The following BCAS3 variants were observed in gnomAD, a reference collection of about 807,000 sequenced individuals.
BCAS3 encodes the protein BCAS3 microtubule associated cell migration factor.
BCAS3 carries 53 observed loss-of-function variants against 116.1 expected under a neutral mutation model. The ratio of observed to expected loss-of-function variants is 0.46; its 90% confidence interval spans 0.37 to 0.57. BCAS3 has a LOEUF of 0.57. Ranked by LOEUF, BCAS3 falls within the 20% of genes least tolerant of loss-of-function variation. The pLI is 0.00. For synonymous variants in BCAS3, 391 were observed against 408.2 expected (o/e 0.96, Z 0.51); for missense variants, 917 against 1,165.4 (o/e 0.79, Z 3.10).
At chr17:61,319,576 A>G (rs1309357646) in intron 22 of BCAS3, among the ~76,000 whole-genome samples, 2 of 150,324 alleles carry the variant, frequency 1.3e-5, no homozygotes, top group Admixed American at 1.3e-4. Context: ...TTTTTTTTTC[A>G]ATATATCACG....
At chr17:60,704,694 C>T (rs997895279) in intron 4 of BCAS3, among the ~76,000 whole-genome samples, 7 of 151,800 alleles carry the variant, frequency 4.6e-5, no homozygotes, top group African/African-American at 1.5e-4. Flanking sequence ...AAAAATTAGC[C>T]GGGCATGGTG....
intron 2 of BCAS3, 61 bp from the exon 3 acceptor site, chr17:60,683,920 GC>G (rs748661522): frequency 6.6e-6 from 9 of 1,370,120 alleles, no homozygotes; most frequent in Admixed American, 1.9e-5. Flanking sequence ...TGTAAATAGA[GC>G]TTTTTTCATG....
At chr17:60,732,075 A>G (rs1277877852) in intron 5 of BCAS3, among the ~76,000 whole-genome samples, 1 of 151,948 alleles carries the variant, frequency 6.6e-6, no homozygotes, top group Non-Finnish European at 1.5e-5. Context: ...GCGCCCGGCC[A>G]GCCCTCCTAT....
In BCAS3 at chr17:61,343,003, C is replaced by G. The variant is rs1043745583; in HGVS notation, c.2426-25324C>G. On this transcript the variant is annotated intron_variant, in intron 22 of 23. Coordinates refer to ENST00000407086, the MANE Select transcript of BCAS3 (RefSeq NM_017679.5). The surrounding 1 kb of genome is among the most constrained non-coding windows in gnomAD (Gnocchi z 5.5). ...CTAATCTCAGATGATCCACCCACCT[C>G]GGCCTCCCAAAGTGCTGGGATTACA... Among the ~76,000 whole-genome samples, 1 of 152,142 alleles carries G rather than the reference C, an allele frequency of 6.6e-6. No homozygotes were observed. The highest frequency in any genetic ancestry group is 6.5e-5 in the Admixed American group (1 of 15,280).
At chr17:60,772,664 G>A (rs962744324) in intron 6 of BCAS3, among the ~76,000 whole-genome samples, 6 of 152,166 alleles carry the variant, frequency 3.9e-5, no homozygotes, top group Admixed American at 2.0e-4. Flanking sequence ...TGGATCACTC[G>A]AGGTCAGGAG....
chr17:61,259,030 A>G lies in BCAS3; in HGVS notation c.2426-109297A>G, dbSNP rs908413272. Among the ~76,000 whole-genome samples the G allele has an allele frequency of 2.0e-5, 3 of 152,174 alleles. No homozygotes were observed. The highest frequency in any genetic ancestry group is 7.2e-5 in the African/African-American group (3 of 41,438). On this transcript the variant is annotated intron_variant, in intron 22 of 23. Coordinates refer to ENST00000407086, the MANE Select transcript of BCAS3 (RefSeq NM_017679.5). This position sits in a 1 kb window ranked among gnomAD's most constrained non-coding sequence, Gnocchi z 4.7. ...AAGTATCAGTGCCCTTCTCTCCTAAACATCTTGCTTAAATGCCAGAAGTAA... is the reference window on the plus strand; with the variant it reads ...AAGTATCAGTGCCCTTCTCTCCTAAGCATCTTGCTTAAATGCCAGAAGTAA...
chr17:60,804,971 T>G (rs897904679), intron 6 of BCAS3, among the ~76,000 whole-genome samples: 1 of 144,580 alleles, frequency 6.9e-6, no homozygotes, highest in African/African-American at 2.6e-5. Context: ...GAGTGTCGGG[T>G]TTTTTTTTTT....
intron 19 of BCAS3, among the ~76,000 whole-genome samples, chr17:61,061,395 G>A (rs1164360234): frequency 1.3e-5 from 2 of 151,994 alleles, no homozygotes; most frequent in African/African-American, 4.8e-5. Flanking sequence ...CCCCATCCTC[G>A]CCTGCTTTTT....
intron 11 of BCAS3, among the ~76,000 whole-genome samples, chr17:60,909,708 T>A (rs955088430): frequency 6.6e-6 from 1 of 152,200 alleles, no homozygotes; most frequent in East Asian, 1.9e-4. Context: ...TGAAAAAACT[T>A]GTTATTTAGA....
At chr17:60,989,279 T>C (rs1203625975) in intron 14 of BCAS3, among the ~76,000 whole-genome samples, 3 of 152,130 alleles carry the variant, frequency 2.0e-5, no homozygotes, top group Middle Eastern at 3.2e-3. Flanking sequence ...CTTTCTTTAA[T>C]TTTTTTCTGA....
chr17:60,829,347 AGCTGG>A (rs2050712437), intron 7 of BCAS3, among the ~76,000 whole-genome samples: 1 of 152,006 alleles, frequency 6.6e-6, no homozygotes, highest in Non-Finnish European at 1.5e-5. Flanking sequence ...ACAAAAAATT[AGCTGG>A]GCATGGTGGT....
rs188345738 is a variant in BCAS3 at position 60,753,554 on chromosome 17, C to T, written c.403+6275C>T. Among the ~76,000 whole-genome samples, 106 of 151,924 alleles carry T rather than the reference C, an allele frequency of 7.0e-4. No homozygotes were observed. The East Asian group carries it at 0.018, about 26-fold the overall frequency. On this transcript the variant is annotated intron_variant, in intron 6 of 23. Coordinates refer to ENST00000407086, the MANE Select transcript of BCAS3 (RefSeq NM_017679.5). ...CCTCCCGAGTAGCTGGGACTACAGG[C>T]GCCTGCCACCACGCCCATCTAATTT...
chr17:60,828,371 C>T (rs1009795296), intron 7 of BCAS3, among the ~76,000 whole-genome samples: 4 of 152,116 alleles, frequency 2.6e-5, no homozygotes, highest in Non-Finnish European at 5.9e-5. Context: ...ACAGTTTCTA[C>T]GTCAAGTATT....
At chr17:61,250,521 C>A (rs2048291708) in intron 22 of BCAS3, among the ~76,000 whole-genome samples, 3 of 152,130 alleles carry the variant, frequency 2.0e-5, no homozygotes, top group African/African-American at 4.8e-5. Flanking sequence ...TCCAGTGAGT[C>A]ATGAAGGCAT....
chr17:60,954,600 G>A (rs1004717499), intron 14 of BCAS3, among the ~76,000 whole-genome samples: 7 of 152,114 alleles, frequency 4.6e-5, no homozygotes, highest in African/African-American at 1.7e-4. Flanking sequence ...AGAAAAACTA[G>A]AAAATGGAAT....
At chr17:61,247,148 A>T (rs973936672) in intron 22 of BCAS3, among the ~76,000 whole-genome samples, 12 of 152,202 alleles carry the variant, frequency 7.9e-5, no homozygotes, top group Non-Finnish European at 1.8e-4. Context: ...TTTACACTCC[A>T]ATTCCTACTC....
intron 22 of BCAS3, among the ~76,000 whole-genome samples, chr17:61,288,631 G>T (rs910286906): frequency 9.2e-5 from 14 of 152,196 alleles, no homozygotes; most frequent in Non-Finnish European, 1.8e-4. Context: ...GTGCTTTCTT[G>T]TCTGACTGAT....
intron 16 of BCAS3, among the ~76,000 whole-genome samples, chr17:61,031,917 A>AT (rs1263413502): frequency 1.3e-5 from 2 of 152,160 alleles, no homozygotes; most frequent in African/African-American, 4.8e-5. Context: ...TTATGTAAAA[A>AT]TAACACCGTG....
At chr17:60,722,736 G>C (rs2039379408) in intron 5 of BCAS3, among the ~76,000 whole-genome samples, 1 of 149,930 alleles carries the variant, frequency 6.7e-6, no homozygotes. Context: ...ACTCCAGCCT[G>C]GTGACAGAGC....
Sources: allele counts gnomAD v4.1 joint callset (sites outside exome capture counted in the v4.1 genomes callset), GRCh38; gene constraint gnomAD v4.1.1; non-coding constraint Gnocchi (gnomAD v3.1); transcripts MANE v1.5; gene names NCBI Gene and HGNC (gene_info 2026-07-23, HGNC 2026-07-21).